Variants in ADGRL3 observed in about 807,000 individuals in gnomAD.
ADGRL3 encodes adhesion G protein-coupled receptor L3, also known as calcium-independent alpha-latrotoxin receptor 3.
A neutral mutation model predicts 153.5 loss-of-function variants in ADGRL3; 62 were observed. The ratio of observed to expected loss-of-function variants is 0.40; its 90% confidence interval spans 0.33 to 0.50. The LOEUF (loss-of-function observed/expected upper bound fraction) is 0.50, where lower values mean the gene tolerates loss of function less well. Ranked by LOEUF, ADGRL3 falls within the 20% of genes least tolerant of loss-of-function variation. The probability of loss-of-function intolerance (pLI) is 0.47; values close to 1 mark genes in which losing one functional copy is unlikely to be tolerated. For synonymous variants in ADGRL3, 710 were observed against 672.5 expected, an observed-to-expected ratio of 1.06 and a Z score of -0.86; for missense variants, 1,641 against 1,859.4, an observed-to-expected ratio of 0.88 and a Z score of 2.16.
At chr4:61,948,322 G>T (rs368823209) in intron 17 of ADGRL3, 46 bp downstream of exon 17, 1 of 1,428,732 alleles carries the variant, frequency 7.0e-7, no homozygotes, top group Non-Finnish European at 9.8e-7. Flanking sequence ...ATATTATATG[G>T]TCACTAACTG....
intron 6 of ADGRL3, among the ~76,000 whole-genome samples, chr4:61,684,270 T>C (rs1386186332): frequency 1.3e-5 from 2 of 152,136 alleles, no homozygotes; most frequent in Non-Finnish European, 2.9e-5. Context: ...TTGGCTAGTT[T>C]AAATTAAATA....
At chr4:61,284,952 T>C (rs2150050515) in intron 1 of ADGRL3, among the ~76,000 whole-genome samples, 1 of 149,346 alleles carries the variant, frequency 6.7e-6, no homozygotes, top group South Asian at 2.1e-4. Flanking sequence ...TTTTTTCATG[T>C]ATGTTACCAA....
At chr4:61,557,961 A>G (rs1381546058) in intron 4 of ADGRL3, among the ~76,000 whole-genome samples, 1 of 151,634 alleles carries the variant, frequency 6.6e-6, no homozygotes, top group East Asian at 1.9e-4. Flanking sequence ...TTCAAAATCC[A>G]TTGTGCAACT....
At chr4:61,769,341 A>T (rs1561218454) in intron 8 of ADGRL3, among the ~76,000 whole-genome samples, 1 of 151,988 alleles carries the variant, frequency 6.6e-6, no homozygotes, top group Non-Finnish European at 1.5e-5. Flanking sequence ...AAGGAGAAAG[A>T]GGTTGAGGGA....
rs149666129 is a variant in ADGRL3, at chr4:61,625,058, G to A, written c.473+37618G>A. ...TAATGATACTGAACCAAAAAGAGCT[G>A]CAAATGTAGAACGTGAAATGTAGAA... On this transcript the variant is annotated intron_variant, in intron 5 of 26. Coordinates refer to ENST00000683033, the MANE Select transcript of ADGRL3 (RefSeq NM_001387552.1). 1.4e-4 allele frequency among the ~76,000 whole-genome samples: 22 copies of A among 152,126 alleles called. No homozygotes were observed. The East Asian group carries it at 1.9e-3, about 13-fold the overall frequency.
At chr4:61,562,571 C>T (rs960426866) in intron 4 of ADGRL3, among the ~76,000 whole-genome samples, 1 of 152,212 alleles carries the variant, frequency 6.6e-6, no homozygotes, top group Non-Finnish European at 1.5e-5. Context: ...GGAGTAGATT[C>T]CATCTCAAGA....
chr4:61,742,148 C>A (rs752419703), intron 8 of ADGRL3, among the ~76,000 whole-genome samples: 105 of 152,284 alleles, frequency 6.9e-4, no homozygotes, highest in Middle Eastern at 6.8e-3. Context: ...TCCAATGCTT[C>A]TACCCATCTT....
At chr4:61,993,013 T>C (rs1244320714) in intron 19 of ADGRL3, among the ~76,000 whole-genome samples, 5 of 152,156 alleles carry the variant, frequency 3.3e-5, no homozygotes, top group Admixed American at 2.6e-4. Context: ...CACATTTCTT[T>C]TTCTGAAAAT....
chr4:61,564,281 T>TGG (rs2098807894), intron 4 of ADGRL3, among the ~76,000 whole-genome samples: 3 of 152,006 alleles, frequency 2.0e-5, no homozygotes, highest in Non-Finnish European at 4.4e-5. Context: ...GTTGGTTGGT[T>TGG]TGTTTGTTTT....
At chr4:61,791,725 C>T (rs952696575) in intron 8 of ADGRL3, among the ~76,000 whole-genome samples, 4 of 152,230 alleles carry the variant, frequency 2.6e-5, no homozygotes, top group South Asian at 2.1e-4. Flanking sequence ...GGCATCCAGA[C>T]ATTTCTATAC....
chr4:61,795,695 A>C (rs563794057), intron 8 of ADGRL3, among the ~76,000 whole-genome samples: 25 of 152,192 alleles, frequency 1.6e-4, no homozygotes, highest in Non-Finnish European at 3.1e-4. Context: ...ACGTGTGTGT[A>C]GTTTATTGAG....
At position 61,558,111 on chromosome 4, in the gene ADGRL3, C is replaced by CAT. The variant is rs550124753; in HGVS notation, c.260-29105_260-29104dup. Among the ~76,000 whole-genome samples, 269 of 141,458 alleles carry CAT rather than the reference C, an allele frequency of 1.9e-3. 6 individuals are homozygous for CAT. The South Asian group carries it at 0.04, about 21-fold the overall frequency. 92.8% of individuals were successfully genotyped at this position (141,458 alleles called of 152,430 possible). A position where few individuals can be genotyped will look rare whatever the true frequency, so the allele number is the denominator to read the frequency against. ...GAGATACTTCTCTGTGAAATTCCTA[C>CAT]ATATATATATATGTAGGAATCATAT... On this transcript the variant is annotated intron_variant, in intron 4 of 26. Transcript: ENST00000683033.
At chr4:61,242,105 C>A (rs1468977399) in intron 1 of ADGRL3, among the ~76,000 whole-genome samples, 3 of 152,024 alleles carry the variant, frequency 2.0e-5, no homozygotes, top group Non-Finnish European at 2.9e-5. Flanking sequence ...TGAGAATATT[C>A]ATGCAGACTA....
chr4:62,047,560 A>T (rs1288244991), intron 25 of ADGRL3, among the ~76,000 whole-genome samples: 1 of 152,024 alleles, frequency 6.6e-6, no homozygotes, highest in East Asian at 1.9e-4. Context: ...GATAAATTTG[A>T]TTACTATTGG....
intron 4 of ADGRL3, among the ~76,000 whole-genome samples, chr4:61,562,491 A>T (rs1479463946): frequency 6.6e-6 from 1 of 152,218 alleles, no homozygotes; most frequent in Non-Finnish European, 1.5e-5. Context: ...CTGCTACCTT[A>T]TCAACTAAGT....
intron 1 of ADGRL3, among the ~76,000 whole-genome samples, chr4:61,360,476 A>G (rs1433181057): frequency 6.6e-6 from 1 of 152,184 alleles, no homozygotes; most frequent in East Asian, 1.9e-4. Context: ...GAAATTACGC[A>G]GTGGTCTTTG....
At chr4:61,529,723 G>T (rs1319894907) in intron 4 of ADGRL3, among the ~76,000 whole-genome samples, 1 of 148,470 alleles carries the variant, frequency 6.7e-6, no homozygotes, top group Non-Finnish European at 1.5e-5. Flanking sequence ...TTCAAGACCA[G>T]TTTTTTTTTT....
intron 1 of ADGRL3, among the ~76,000 whole-genome samples, chr4:61,253,761 C>A (rs570416216): frequency 6.6e-6 from 1 of 151,948 alleles, no homozygotes; most frequent in East Asian, 1.9e-4. Context: ...CCTTTCCAAT[C>A]AATACCATTT....
chr4:61,904,570 TA>T (rs2098686389), intron 11 of ADGRL3, among the ~76,000 whole-genome samples: 1 of 152,170 alleles, frequency 6.6e-6, no homozygotes. Flanking sequence ...TTGATATCAA[TA>T]AATTTTTATA....
Sources: allele counts gnomAD v4.1 joint callset (sites outside exome capture counted in the v4.1 genomes callset), GRCh38; gene constraint gnomAD v4.1.1; transcripts MANE v1.5; gene names NCBI Gene and HGNC (gene_info 2026-07-23, HGNC 2026-07-21).